JHY: variants seen among roughly 807,000 people sequenced by gnomAD.
The protein encoded by JHY is jhy protein homolog.
Under a neutral mutation model 78.0 loss-of-function variants are expected in JHY, and 69 were observed. The ratio of observed to expected loss-of-function variants is 0.88; its 90% CI spans 0.73 to 1.08. JHY has a LOEUF of 1.08. JHY is among the 50% of genes least tolerant of loss of function. JHY has a pLI of 0.00. For synonymous variants in JHY, 368 were observed against 342.6 expected (o/e 1.07, Z -0.82); for missense variants, 944 against 927.8 (o/e 1.02, Z -0.23).
intron 4 of JHY, among the ~76,000 whole-genome samples, chr11:122,933,855 A>C (rs191582237): frequency 1.3e-5 from 2 of 152,352 alleles, no homozygotes; most frequent in African/African-American, 4.8e-5. Context: ...CATGTTACTT[A>C]AAATAAGCTT....
Position 122,960,912 on chromosome 11 carries a change from A to G in JHY, c.*1467A>G, listed in dbSNP as rs1864299398. 3 of 704,688 alleles carry G rather than the reference A, an allele frequency of 4.3e-6. No homozygotes were observed. In the Admixed American group the frequency reaches 5.3e-5, roughly 12 times the overall value. 43.7% of individuals were successfully genotyped at this position (704,688 alleles called of 1,614,324 possible). A position where few individuals can be genotyped will look rare whatever the true frequency, so the allele number is the denominator to read the frequency against. On this transcript the variant is annotated 3_prime_UTR_variant, in exon 9 of 9. Transcript: ENST00000227349. ...ACTGCATAGAGTGTATAAGGAAGTA[A>G]AGAATCGCCTGGACTATCATATATC...
intron 6 of JHY, among the ~76,000 whole-genome samples, chr11:122,952,636 G>A (rs183772335): frequency 2.0e-5 from 3 of 152,324 alleles, no homozygotes; most frequent in Admixed American, 2.0e-4. Flanking sequence ...GGAGTTAATA[G>A]TAAGAACTGT....
chr11:122,941,312 T>C (rs1241898346), intron 5 of JHY, among the ~76,000 whole-genome samples: 3 of 152,216 alleles, frequency 2.0e-5, no homozygotes, highest in Non-Finnish European at 4.4e-5. Flanking sequence ...TGTATACTAG[T>C]GGGGTCACAC....
intron 6 of JHY, among the ~76,000 whole-genome samples, chr11:122,954,835 T>C (rs1565339598): frequency 7.4e-6 from 1 of 134,974 alleles, no homozygotes. Context: ...TAACAGGAGA[T>C]TTCAAAATTG....
chr11:122,900,924 A>T (rs1436443623), intron 2 of JHY, among the ~76,000 whole-genome samples: 1 of 152,240 alleles, frequency 6.6e-6, no homozygotes, highest in Non-Finnish European at 1.5e-5. Context: ...AAAAAGGAGC[A>T]GTCTGAAGCA....
chr11:122,922,809 CAAAAAAAAAAA>C (rs571482464), intron 3 of JHY, among the ~76,000 whole-genome samples: 2,316 of 44,318 alleles, frequency 0.052, 63 homozygotes, highest in African/African-American at 0.097. Flanking sequence ...GACTCCGTCT[CAAAAAAAAAAA>C]AAAAAAAAAA....
In JHY at chr11:122,883,225, C is replaced by A. The variant is rs1435336714; in HGVS notation, c.-90+253C>A. Among the ~76,000 whole-genome samples, 1 of 152,166 alleles carries A rather than the reference C, an allele frequency of 6.6e-6. No individual in the cohort carries two copies. The highest frequency in any genetic ancestry group is 1.5e-5 in the Non-Finnish European group (1 of 68,020). Reference sequence around the variant, plus strand: ...TGTTCCCGGTCAATTAGGACCGGTCCCGGGCACCAGGCCCGCCGACTTGTC... The same window carrying A: ...TGTTCCCGGTCAATTAGGACCGGTCACGGGCACCAGGCCCGCCGACTTGTC... On this transcript the variant is annotated intron_variant, in intron 1 of 8. Transcript: ENST00000227349. The surrounding 1 kb of genome is among the most constrained non-coding windows in gnomAD (Gnocchi z 4.4).
At chr11:122,904,521 G>A (rs1862945302) in intron 3 of JHY, 77 bp downstream of exon 3, 9 of 1,450,994 alleles carry the variant, frequency 6.2e-6, no homozygotes, top group East Asian at 2.3e-5. Flanking sequence ...TCTAGATATC[G>A]CTTCCTTTAA....
chr11:122,935,167 A>G lies in JHY; in HGVS notation c.1634+92A>G, dbSNP rs1863726533. Reference sequence around the variant, plus strand: ...AGAGGAAGAAGGGGAAGGGGAATCCATAAGGTGGCTAGGTGAGAAGAAGAG... The same window carrying G: ...AGAGGAAGAAGGGGAAGGGGAATCCGTAAGGTGGCTAGGTGAGAAGAAGAG... On this transcript the variant is annotated intron_variant, in intron 5 of 8. Coordinates refer to ENST00000227349, the MANE Select transcript of JHY (RefSeq NM_024806.4). The surrounding 1 kb of genome is among the most constrained non-coding windows in gnomAD (Gnocchi z 4.5). The G allele has an allele frequency of 8.3e-7, 1 of 1,201,936 alleles. No homozygotes were observed. Among genetic ancestry groups the G allele is most frequent in the South Asian group, 1.7e-5 (1 of 59,666 alleles). 74.5% of individuals were successfully genotyped at this position (1,201,936 alleles called of 1,614,324 possible).
chr11:122,938,191 A>G (rs1470856479), intron 5 of JHY, among the ~76,000 whole-genome samples: 6 of 152,052 alleles, frequency 3.9e-5, no homozygotes, highest in Admixed American at 3.9e-4. Flanking sequence ...TTCTTGAGTC[A>G]TCTTTATGGG....
At position 122,935,530 on chromosome 11, in the gene JHY, C is replaced by T. The variant is rs538164600; in HGVS notation, c.1634+455C>T. Among the ~76,000 whole-genome samples, 27 of 152,242 alleles carry T rather than the reference C, an allele frequency of 1.8e-4. No homozygotes were observed. Among genetic ancestry groups the T allele is most frequent in the African/African-American group, 2.6e-4 (11 of 41,556 alleles). On this transcript the variant is annotated intron_variant, in intron 5 of 8. Coordinates refer to ENST00000227349, the MANE Select transcript of JHY (RefSeq NM_024806.4). The surrounding 1 kb of genome is among the most constrained non-coding windows in gnomAD (Gnocchi z 4.5). ...GATTACAGGTGTGAGCCACCGCACC[C>T]GGCCAAGAGTCTACTTTTGATGGAT...
intron 2 of JHY, among the ~76,000 whole-genome samples, chr11:122,894,418 C>G (rs2135289905): frequency 6.6e-6 from 1 of 152,264 alleles, no homozygotes; most frequent in South Asian, 2.1e-4. Flanking sequence ...TTTTATAAAT[C>G]TAGGTCTCTG....
At chr11:122,891,356 T>A (rs1862610544) in intron 2 of JHY, among the ~76,000 whole-genome samples, 1 of 152,198 alleles carries the variant, frequency 6.6e-6, no homozygotes, top group Non-Finnish European at 1.5e-5. Flanking sequence ...TGTATATGGA[T>A]GAGAGAAAAC....
In JHY at chr11:122,901,887, ATT is replaced by A. The variant is rs367620699; in HGVS notation, c.345-2034_345-2033del. On this transcript the variant is annotated intron_variant, in intron 2 of 8. Coordinates refer to ENST00000227349, the MANE Select transcript of JHY (RefSeq NM_024806.4). Reference sequence around the variant, plus strand: ...GACTCTGTCTCAAAAAAAAAAAAAAATTTTTATTTTTTAAACTTTTTTGTTAA... The same window carrying A: ...GACTCTGTCTCAAAAAAAAAAAAAAATTTATTTTTTAAACTTTTTTGTTAA... 9.4e-3 allele frequency among the ~76,000 whole-genome samples: 1,331 copies of A among 142,282 alleles called. 21 individuals are homozygous for A. Among genetic ancestry groups the A allele is most frequent in the African/African-American group, 0.035 (1,194 of 34,570 alleles). 93.3% of individuals were successfully genotyped at this position (142,282 alleles called of 152,430 possible).
chr11:122,900,811 T>G (rs1023047576), intron 2 of JHY, among the ~76,000 whole-genome samples: 1 of 152,104 alleles, frequency 6.6e-6, no homozygotes, highest in African/African-American at 2.4e-5. Flanking sequence ...TGTAGTACAT[T>G]AGATACACGC....
intron 4 of JHY, among the ~76,000 whole-genome samples, chr11:122,925,454 T>C (rs925848608): frequency 2.6e-5 from 4 of 152,214 alleles, no homozygotes; most frequent in Non-Finnish European, 5.9e-5. Context: ...ACCCTCATTT[T>C]CAGAATATAA....
At chr11:122,941,100 C>T (rs1032487777) in intron 5 of JHY, among the ~76,000 whole-genome samples, 3 of 152,116 alleles carry the variant, frequency 2.0e-5, no homozygotes, top group African/African-American at 7.2e-5. Flanking sequence ...CCCCTGAACT[C>T]ATGTGGAAGC....
intron 5 of JHY, among the ~76,000 whole-genome samples, chr11:122,938,998 T>C (rs1462753959): frequency 6.6e-6 from 1 of 151,174 alleles, no homozygotes; most frequent in Non-Finnish European, 1.5e-5. Flanking sequence ...TTTTTTTTTT[T>C]TTTTTCCGGA....
intron 7 of JHY, 74 bp downstream of exon 7, chr11:122,956,650 G>T: frequency 8.0e-7 from 1 of 1,254,726 alleles, no homozygotes; most frequent in Non-Finnish European, 1.1e-6. Context: ...TTATGAAGAC[G>T]CCCCCCAGAA....
Sources: gnomAD v4.1 joint callset for allele counts (sites outside exome capture counted in the v4.1 genomes callset) on GRCh38, gnomAD v4.1.1 for gene constraint, Gnocchi (gnomAD v3.1) non-coding constraint, MANE v1.5 for transcripts, NCBI Gene and HGNC (gene_info 2026-07-23, HGNC 2026-07-21) for gene names.